SPTB: variants seen among roughly 807,000 people sequenced by gnomAD.
The protein encoded by SPTB is spectrin beta chain, erythrocytic.
In SPTB, 45 loss-of-function variants were observed where a neutral mutation model predicts 256.2. The observed-to-expected ratio is 0.18, with a 90% CI of 0.14 to 0.23. SPTB has a LOEUF of 0.23. Among genes scored for constraint, SPTB ranks in the 10% least tolerant of loss-of-function variants. SPTB has a pLI of 1.00. For missense variants in SPTB, 2,715 were observed against 3,040.4 expected (o/e 0.89, Z 2.52); for synonymous variants, 1,231 against 1,243.1 (o/e 0.99, Z 0.21).
chr14:64,750,319 T>A (rs1594733046), intron 33 of SPTB, 165 bp from the exon 34 acceptor site: 2 of 779,330 alleles, frequency 2.6e-6, no homozygotes, highest in East Asian at 5.7e-5. Context: ...TTACAAAAAA[T>A]TAGCTATTAT....
intron 1 of SPTB, among the ~76,000 whole-genome samples, chr14:64,861,618 T>A (rs1156566777): frequency 2.6e-5 from 4 of 152,112 alleles, no homozygotes; most frequent in African/African-American, 7.2e-5. Flanking sequence ...GGAATCTCCA[T>A]CCTCTTGGCC....
Position 64,779,874 on chromosome 14 carries a change from C to T in SPTB, c.4324G>A (p.Val1442Met), listed in dbSNP as rs769530469. Reference sequence around the variant, plus strand: ...CCTCCCTCCTCTCCCATTGAAGGCACCTGGGCAAACAGCTCCCCCAGCTCC... The same window carrying T: ...CCTCCCTCCTCTCCCATTGAAGGCATCTGGGCAAACAGCTCCCCCAGCTCC... ...KEELGELFAQ[V>M]PSMGEEGGDA... is the part of the protein sequence containing the mutation. Residue 1442 changes from valine to methionine, a missense_variant, in exon 21 of 36, where the codon GTG becomes ATG. Around this residue, in one of 4 missense-constraint regions of SPTB, gnomAD observed 2,239 missense variants for 2,384.4 expected, o/e 0.94. Transcript: ENST00000644917. The surrounding 1 kb of genome is among the most constrained non-coding windows in gnomAD (Gnocchi z 4.2). The T allele has an allele frequency of 1.2e-6, 2 of 1,614,124 alleles. No homozygotes were observed. Among genetic ancestry groups the T allele is most frequent in the East Asian group, 2.2e-5 (1 of 44,882 alleles).
intron 20 of SPTB, among the ~76,000 whole-genome samples, chr14:64,781,761 C>T (rs1463874114): frequency 6.6e-6 from 1 of 152,210 alleles, no homozygotes; most frequent in African/African-American, 2.4e-5. Context: ...TACACATGTA[C>T]ACTTATGTTC....
At chr14:64,865,950 A>T (rs1257208882) in intron 1 of SPTB, among the ~76,000 whole-genome samples, 1 of 152,220 alleles carries the variant, frequency 6.6e-6, no homozygotes, top group Non-Finnish European at 1.5e-5. Flanking sequence ...AGTTCCAGAA[A>T]GCGGTTACAG....
At chr14:64,867,473 T>C (rs956221719) in intron 1 of SPTB, among the ~76,000 whole-genome samples, 3 of 152,166 alleles carry the variant, frequency 2.0e-5, no homozygotes, top group East Asian at 1.9e-4. Flanking sequence ...GTGTGTCTTC[T>C]GGGGTCACAG....
In SPTB at chr14:64,806,370, T is replaced by C. The variant is rs1055861896; in HGVS notation, c.149-1280A>G. Among the ~76,000 whole-genome samples, 10 of 151,892 alleles carry C rather than the reference T, an allele frequency of 6.6e-5. No homozygotes were observed. Among genetic ancestry groups the C allele is most frequent in the African/African-American group, 2.4e-4 (10 of 41,338 alleles). ...GGTTGTGGAGGATCCCTGGGGAGGG[T>C]ACATGGCAGTGGAGGGGGAGATCAC... On this transcript the variant is annotated intron_variant, in intron 2 of 35. Transcript: ENST00000644917. The surrounding 1 kb of genome is among the most constrained non-coding windows in gnomAD (Gnocchi z 4.1).
rs755882611 is a variant in SPTB at position 64,774,487 on chromosome 14, C to T, written c.4883G>A (p.Arg1628Gln). ...GTAGTCCTCCACCGCACGCTGCTGC[C>T]GCAAATGTCGCTTCAGCATCACAAT... Reference protein sequence around the residue: ...GAIVMLKRHLRQQRAVEDYGR... With the variant: ...GAIVMLKRHLQQQRAVEDYGR... Residue 1628 changes from arginine (R) to glutamine (Q), a missense_variant, in exon 24 of 36, where the codon CGG becomes CAG. Transcript: ENST00000644917. The T allele has an allele frequency of 1.6e-5, 25 of 1,555,302 alleles. No individual in the cohort carries two copies. The highest frequency in any genetic ancestry group is 3.6e-5 in the South Asian group (3 of 84,362).
At position 64,795,573 on chromosome 14, in the gene SPTB, C is replaced by T. The variant is rs758872603; in HGVS notation, c.1408G>A (p.Asp470Asn). Residue 470 changes from aspartate to asparagine, a missense_variant, in exon 12 of 36, where the codon GAC becomes AAC. Coordinates refer to ENST00000644917, the MANE Select transcript of SPTB (RefSeq NM_001355436.2). The surrounding 1 kb of genome is among the most constrained non-coding windows in gnomAD (Gnocchi z 6.5). The part of the protein sequence containing the change: ...AKKKHEAIET[D>N]TAAYEERVRA... ...ACCCGCTCCTCGTAGGCAGCCGTGT[C>T]GGTCTCGATGGCCTCATGCTTCTTC... The T allele has an allele frequency of 1.2e-6, 2 of 1,614,064 alleles. No individual in the cohort carries two copies. Among genetic ancestry groups the T allele is most frequent in the Middle Eastern group, 1.6e-4 (1 of 6,062 alleles).
chr14:64,788,355 T>G (rs1360085876), intron 15 of SPTB, among the ~76,000 whole-genome samples: 1 of 152,192 alleles, frequency 6.6e-6, no homozygotes, highest in Non-Finnish European at 1.5e-5. Flanking sequence ...AGCGCTGTTG[T>G]GCATTCCCAA....
intron 1 of SPTB, among the ~76,000 whole-genome samples, chr14:64,842,504 A>T (rs1245375026): frequency 2.0e-5 from 3 of 152,206 alleles, no homozygotes; most frequent in Admixed American, 2.0e-4. Context: ...CCATTTACTT[A>T]TAGTCCGTAA....
At position 64,786,793 on chromosome 14, in the gene SPTB, C is replaced by G. The variant is rs1389145740; in HGVS notation, c.3172G>C (p.Gly1058Arg). 6.2e-7 allele frequency: 1 copy of G among 1,613,996 alleles called. No individual in the cohort carries two copies. Among genetic ancestry groups the G allele is most frequent in the Non-Finnish European group, 8.5e-7 (1 of 1,179,998 alleles). The change falls in exon 16 of 36, where the codon GGG becomes CGG. Residue 1058 changes from glycine to arginine, a missense_variant. This residue lies in a region of SPTB where 2,239 missense variants were observed against 2,384.4 expected (regional missense o/e 0.94). Transcript: ENST00000644917. This position sits in a 1 kb window ranked among gnomAD's most constrained non-coding sequence, Gnocchi z 5.6. ...QSLQGQEDLL[G>R]EVSQLQAFLQ... ...AAGGCCTGCAGCTGGCTGACTTCCC[C>G]CAGCAAGTCCTCCTGGCCCTGCAGG...
At position 64,795,400 on chromosome 14, in the gene SPTB, G is replaced by C. The variant is rs1446938381; in HGVS notation, c.1581C>G (p.Thr527=). 1 of 1,614,070 alleles carries C rather than the reference G, an allele frequency of 6.2e-7. No homozygotes were observed. Residue 527 remains threonine (T), a synonymous_variant, in exon 12 of 36, where the codon ACC becomes ACG. Coordinates refer to ENST00000644917, the MANE Select transcript of SPTB (RefSeq NM_001355436.2). The surrounding 1 kb of genome is among the most constrained non-coding windows in gnomAD (Gnocchi z 6.5). ...CCTGGAAGAGCTTCTGCAGTGCCAG[G>C]GTGGTCTCGAGCCTCTGGCGCCGGG... ...LQSRRQRLET[T]LALQKLFQDM... is the part of the protein sequence containing the mutation.
chr14:64,785,986 C>G lies in SPTB; in HGVS notation c.3562-35G>C. On this transcript the variant is annotated intron_variant, in intron 16 of 35. Coordinates refer to ENST00000644917, the MANE Select transcript of SPTB (RefSeq NM_001355436.2). The surrounding 1 kb of genome is among the most constrained non-coding windows in gnomAD (Gnocchi z 4.4). ...CAAGTTTCCAGACAAGGCATGAAGA[C>G]ACACGGAGGAGGTGATGAGCACACC... is the stretch of plus-strand genomic sequence containing the variant. 6.2e-7 allele frequency: 1 copy of G among 1,609,828 alleles called. No individual in the cohort carries two copies. The highest frequency in any genetic ancestry group is 8.5e-7 in the Non-Finnish European group (1 of 1,177,444).
intron 1 of SPTB, among the ~76,000 whole-genome samples, chr14:64,877,973 C>T (rs907035517): frequency 1.3e-5 from 2 of 152,174 alleles, no homozygotes; most frequent in African/African-American, 2.4e-5. Flanking sequence ...CTGGGCAAGC[C>T]GCTCAGGAGA....
rs552648270 is a variant in SPTB at position 64,767,159 on chromosome 14, C to G, written c.6269+144G>C. On this transcript the variant is annotated intron_variant, in intron 31 of 35. Coordinates refer to ENST00000644917, the MANE Select transcript of SPTB (RefSeq NM_001355436.2). ...GCAAAAGGTCCTCTGCGCTCATGCT[C>G]AGGCACTCTGGGCCTTCCTGACGAG... The G allele has an allele frequency of 4.5e-6, 5 of 1,100,822 alleles. No homozygotes were observed. The South Asian group carries it at 5.0e-5, about 11-fold the overall frequency. The allele number at this position is 1,100,822 out of a possible 1,614,324, so 68.2% of individuals were successfully genotyped here.
At chr14:64,784,451 A>G in intron 18 of SPTB, 58 bp from the exon 19 acceptor site, 1 of 1,603,908 alleles carries the variant, frequency 6.2e-7, no homozygotes, top group South Asian at 1.1e-5. Flanking sequence ...GCAGAGCAGA[A>G]CCTGCTGCCC....
intron 1 of SPTB, among the ~76,000 whole-genome samples, chr14:64,869,280 T>A (rs1401321374): frequency 3.3e-5 from 5 of 152,344 alleles, no homozygotes; most frequent in South Asian, 2.1e-4. Flanking sequence ...TGACTTACTG[T>A]TATAATAAAC....
At position 64,746,581 on chromosome 14, in the gene SPTB, C is replaced by T. The variant is rs1453773626; in HGVS notation, c.*2725G>A. 1 of 152,448 alleles carries T rather than the reference C, an allele frequency of 6.6e-6. No homozygotes were observed. Among genetic ancestry groups the T allele is most frequent in the Admixed American group, 6.5e-5 (1 of 15,272 alleles). 9.4% of individuals were successfully genotyped at this position (152,448 alleles called of 1,614,324 possible). ...AGGGTCAGCCTAGGGGACCCTGGCT[C>T]CCTCCGATAGGCAGGAAGGAGGAGG... is the stretch of plus-strand genomic sequence containing the variant. On this transcript the variant is annotated 3_prime_UTR_variant, in exon 36 of 36. Transcript: ENST00000644917. This position sits in a 1 kb window ranked among gnomAD's most constrained non-coding sequence, Gnocchi z 4.9.
chr14:64,780,050 A>G (rs1425408207), intron 20 of SPTB, 119 bp from the exon 21 acceptor site: 4 of 846,562 alleles, frequency 4.7e-6, no homozygotes, highest in Non-Finnish European at 8.0e-6. Flanking sequence ...AACTTCCTCC[A>G]AGGAGTCTCC....
Sources: allele counts gnomAD v4.1 joint callset (sites outside exome capture counted in the v4.1 genomes callset), GRCh38; gene constraint gnomAD v4.1.1; regional missense constraint gnomAD v4.1.1; non-coding constraint Gnocchi (gnomAD v3.1); transcripts MANE v1.5; gene names NCBI Gene and HGNC (gene_info 2026-07-23, HGNC 2026-07-21).